The following CSMD1 variants were observed in gnomAD, a reference collection of about 807,000 sequenced individuals.
CSMD1 encodes CUB and sushi domain-containing protein 1.
Under a neutral mutation model 417.5 loss-of-function variants are expected in CSMD1, and 213 were observed. The observed-to-expected ratio is 0.51, with a 90% confidence interval of 0.46 to 0.57. CSMD1 has a LOEUF of 0.57. CSMD1 is among the 20% of genes least tolerant of loss of function. The pLI is 0.00. For missense variants in CSMD1, 6,923 were observed against 4,529.7 expected, an observed-to-expected ratio of 1.53 and a Z score of -15.17; for synonymous variants, 2,862 against 1,736.8, an observed-to-expected ratio of 1.65 and a Z score of -16.11.
intron 2 of CSMD1, among the ~76,000 whole-genome samples, chr8:4,556,980 A>C (rs896208319): frequency 2.6e-5 from 4 of 152,236 alleles, no homozygotes; most frequent in Admixed American, 2.6e-4. Context: ...ATGTAAGCTA[A>C]TGTGCATTCT....
chr8:4,978,977 G>T (rs1810723090), intron 1 of CSMD1, among the ~76,000 whole-genome samples: 1 of 152,094 alleles, frequency 6.6e-6, no homozygotes. Context: ...AAATAACTCT[G>T]GAGAAAGTAG....
At chr8:3,525,844 G>C (rs1284652117) in intron 10 of CSMD1, among the ~76,000 whole-genome samples, 1 of 152,038 alleles carries the variant, frequency 6.6e-6, no homozygotes, top group Non-Finnish European at 1.5e-5. Flanking sequence ...AGCCCCCCAG[G>C]TCTCCAGAAC....
intron 3 of CSMD1, among the ~76,000 whole-genome samples, chr8:4,299,733 C>T (rs1017725559): frequency 1.3e-5 from 2 of 152,072 alleles, no homozygotes; most frequent in African/African-American, 2.4e-5. Flanking sequence ...CCATTTCAAG[C>T]GATTGTCATG....
chr8:4,107,365 G>C (rs527315126), intron 3 of CSMD1, among the ~76,000 whole-genome samples: 7 of 152,182 alleles, frequency 4.6e-5, no homozygotes, highest in African/African-American at 1.7e-4. Flanking sequence ...GCCACCTGTA[G>C]AGGATAAAGT....
chr8:3,286,261 AT>A (rs1326371525), intron 25 of CSMD1, among the ~76,000 whole-genome samples: 2 of 152,084 alleles, frequency 1.3e-5, no homozygotes, highest in African/African-American at 4.8e-5. Flanking sequence ...AGTCTTTGCT[AT>A]TGTGAATAGT....
intron 3 of CSMD1, among the ~76,000 whole-genome samples, chr8:4,239,398 T>C (rs774321945): frequency 1.3e-5 from 2 of 152,164 alleles, no homozygotes; most frequent in African/African-American, 2.4e-5. Context: ...TTGGGATCTA[T>C]CTAACTGTGA....
intron 3 of CSMD1, among the ~76,000 whole-genome samples, chr8:4,250,432 G>A (rs953568706): frequency 6.6e-5 from 10 of 152,012 alleles, no homozygotes; most frequent in African/African-American, 1.4e-4. Flanking sequence ...CTGCTCCCTG[G>A]GGAACATGCG....
intron 5 of CSMD1, among the ~76,000 whole-genome samples, chr8:3,848,909 GATATCATATACAT>G (rs1196072357): frequency 2.7e-5 from 4 of 150,438 alleles, no homozygotes; most frequent in Non-Finnish European, 5.9e-5. Flanking sequence ...TACATATCTA[GATATCATATACAT>G]ATATCATATA....
chr8:4,318,596 G>A (rs189570324), intron 3 of CSMD1, among the ~76,000 whole-genome samples: 210 of 151,642 alleles, frequency 1.4e-3, no homozygotes, highest in Middle Eastern at 0.01. Flanking sequence ...TGATTGAAAT[G>A]TTTACCCTTA....
At chr8:4,801,257 G>C (rs909790443) in intron 1 of CSMD1, among the ~76,000 whole-genome samples, 1 of 152,094 alleles carries the variant, frequency 6.6e-6, no homozygotes, top group Non-Finnish European at 1.5e-5. Context: ...GACTTTCTCA[G>C]CATTTTCAGG....
chr8:2,990,255 G>A (rs552589527), intron 54 of CSMD1, among the ~76,000 whole-genome samples: 1 of 152,178 alleles, frequency 6.6e-6, no homozygotes, highest in Non-Finnish European at 1.5e-5. Context: ...TCGCCATTCC[G>A]GTCCTCATAG....
At chr8:4,658,623 C>T (rs1008993260) in intron 1 of CSMD1, among the ~76,000 whole-genome samples, 5 of 151,988 alleles carry the variant, frequency 3.3e-5, no homozygotes, top group African/African-American at 1.2e-4. Context: ...GGAGTATCCA[C>T]AATGAAATAA....
chr8:4,414,282 C>T (rs143294382), intron 3 of CSMD1, among the ~76,000 whole-genome samples: 433 of 152,286 alleles, frequency 2.8e-3, no homozygotes, highest in African/African-American at 9.7e-3. Flanking sequence ...GAGTGACACC[C>T]TGGTAAGAGG....
At chr8:3,627,169 A>T (rs10108533) in intron 7 of CSMD1, among the ~76,000 whole-genome samples, 1 of 151,890 alleles carries the variant, frequency 6.6e-6, no homozygotes, top group Non-Finnish European at 1.5e-5. Flanking sequence ...TGTGCAGTGC[A>T]ATTTCACCCT....
At chr8:3,207,344 G>A (rs1797358817) in intron 30 of CSMD1, among the ~76,000 whole-genome samples, 1 of 149,538 alleles carries the variant, frequency 6.7e-6, no homozygotes, top group African/African-American at 2.5e-5. Context: ...TAATAGATAT[G>A]ATGTTGGTCA....
intron 2 of CSMD1, among the ~76,000 whole-genome samples, chr8:4,422,912 C>T (rs535311991): frequency 2.0e-5 from 3 of 151,764 alleles, no homozygotes; most frequent in Non-Finnish European, 4.4e-5. Context: ...TATTAATGGG[C>T]TAACAAAGTA....
rs372905183 is a variant in CSMD1, at chr8:3,312,639, T to C, written c.3632-4136A>G. ...GTAGCATTGGAATCACAGCCATCAA[T>C]ACCTTGAAGGACTAGAGAAACATCC... is the stretch of plus-strand genomic sequence containing the variant. On this transcript the variant is annotated intron_variant, in intron 23 of 69. Coordinates refer to ENST00000635120, the MANE Select transcript of CSMD1 (RefSeq NM_033225.6). Among the ~76,000 whole-genome samples, 10 of 152,216 alleles carry C rather than the reference T, an allele frequency of 6.6e-5. No homozygotes were observed. In the East Asian group the frequency reaches 1.7e-3, roughly 26 times the overall value.
chr8:4,574,428 T>C (rs1387393261), intron 2 of CSMD1, among the ~76,000 whole-genome samples: 1 of 152,170 alleles, frequency 6.6e-6, no homozygotes, highest in Non-Finnish European at 1.5e-5. Context: ...CCCACCCTTC[T>C]TCTGCTTACC....
chr8:3,659,951 T>C (rs1007455118), intron 7 of CSMD1, among the ~76,000 whole-genome samples: 1 of 152,196 alleles, frequency 6.6e-6, no homozygotes, highest in African/African-American at 2.4e-5. Context: ...AGAATTGCAA[T>C]AATTTCAAAC....
Sources: allele counts gnomAD v4.1 joint callset (sites outside exome capture counted in the v4.1 genomes callset), GRCh38; gene constraint gnomAD v4.1.1; transcripts MANE v1.5; gene names NCBI Gene and HGNC (gene_info 2026-07-23, HGNC 2026-07-21).